NT5C2: variants seen among roughly 807,000 people sequenced by gnomAD.
NT5C2 encodes the protein cytosolic purine 5'-nucleotidase.
In NT5C2, 58 loss-of-function variants were observed where a neutral mutation model predicts 76.1. The ratio of observed to expected loss-of-function variants is 0.76; its 90% CI spans 0.62 to 0.95. NT5C2 has a LOEUF of 0.95. Ranked by LOEUF, NT5C2 falls within the 40% of genes least tolerant of loss-of-function variation. NT5C2 has a pLI of 0.00. For synonymous variants in NT5C2, 229 were observed against 237.4 expected, an observed-to-expected ratio of 0.96 and a Z score of 0.32; for missense variants, 478 against 690.3, an observed-to-expected ratio of 0.69 and a Z score of 3.45.
chr10:103,167,176 T>C (rs11191586), intron 3 of NT5C2, among the ~76,000 whole-genome samples: 47,820 of 151,654 alleles, frequency 0.32, 7,618 homozygotes, highest in Middle Eastern at 0.36. Context: ...CCACCACACC[T>C]GGCTAATTTT....
chr10:103,096,570 GCA>G (rs2068236240), intron 11 of NT5C2, among the ~76,000 whole-genome samples: 1 of 152,078 alleles, frequency 6.6e-6, no homozygotes, highest in South Asian at 2.1e-4. Flanking sequence ...TTTGGGCTGG[GCA>G]CAGTGACTCA....
At chr10:103,192,341 C>A (rs185116566) in intron 1 of NT5C2, among the ~76,000 whole-genome samples, 1 of 152,260 alleles carries the variant, frequency 6.6e-6, no homozygotes, top group East Asian at 1.9e-4. Context: ...GCACGACCCC[C>A]CTCAAACATC....
At chr10:103,105,385 T>TATTAG (rs2070965117) in intron 6 of NT5C2, 1 of 968,404 alleles carries the variant, frequency 1.0e-6, no homozygotes, top group Admixed American at 3.5e-5. Flanking sequence ...CTGAGAACTG[T>TATTAG]ATTAGAAAGA....
chr10:103,105,939 A>C (rs1486294501), intron 5 of NT5C2, 138 bp from the exon 6 acceptor site: 1 of 553,402 alleles, frequency 1.8e-6, no homozygotes. Context: ...AATATAGCTA[A>C]AGTGAGTAAA....
chr10:103,170,468 G>A (rs1315236306), intron 3 of NT5C2, among the ~76,000 whole-genome samples: 4 of 150,620 alleles, frequency 2.7e-5, no homozygotes, highest in Admixed American at 2.0e-4. Context: ...TTCCAAATGA[G>A]TTAGGAGTAT....
chr10:103,131,283 CT>C (rs2078119035), intron 4 of NT5C2, among the ~76,000 whole-genome samples: 1 of 152,202 alleles, frequency 6.6e-6, no homozygotes, highest in Non-Finnish European at 1.5e-5. Context: ...ACTCAAAATA[CT>C]GTTTGCCAGA....
intron 4 of NT5C2, among the ~76,000 whole-genome samples, chr10:103,135,696 G>A (rs1001894873): frequency 1.3e-5 from 2 of 152,042 alleles, no homozygotes; most frequent in Admixed American, 1.3e-4. Flanking sequence ...GCTGAGGCAG[G>A]AGAATCGATT....
intron 4 of NT5C2, among the ~76,000 whole-genome samples, chr10:103,138,485 T>C (rs1170987458): frequency 6.6e-6 from 1 of 152,116 alleles, no homozygotes; most frequent in African/African-American, 2.4e-5. Context: ...CCTGTGTTCA[T>C]GTGTTCTCAA....
At chr10:103,098,897 A>G (rs972420023) in intron 10 of NT5C2, 34 bp downstream of exon 10, 2 of 1,397,958 alleles carry the variant, frequency 1.4e-6, no homozygotes, top group South Asian at 2.4e-5. Flanking sequence ...AAAATGAGCT[A>G]TTATGCAGAT....
intron 3 of NT5C2, among the ~76,000 whole-genome samples, chr10:103,148,598 C>T (rs1292320139): frequency 1.6e-4 from 20 of 128,026 alleles, no homozygotes; most frequent in Admixed American, 1.3e-3. Flanking sequence ...AGTGAGACTC[C>T]GTCTCAAAAA....
At chr10:103,100,047 G>A (rs2069173764) in intron 8 of NT5C2, 28 bp from the exon 9 acceptor site, 1 of 1,484,170 alleles carries the variant, frequency 6.7e-7, no homozygotes, top group African/African-American at 1.4e-5. Flanking sequence ...TAACATGACA[G>A]GGGATCCAAA....
chr10:103,171,294 C>T (rs3740386), intron 3 of NT5C2, among the ~76,000 whole-genome samples: 47,973 of 152,056 alleles, frequency 0.32, 7,653 homozygotes, highest in Middle Eastern at 0.37. Flanking sequence ...ATATTAGTAT[C>T]TATTGAAACA....
chr10:103,153,830 T>A, intron 3 of NT5C2: 1 of 943,450 alleles, frequency 1.1e-6, no homozygotes, highest in Non-Finnish European at 1.3e-6. Flanking sequence ...ATAAACAATG[T>A]GAATTACAAG....
chr10:103,103,208 T>A (rs1042497330), intron 6 of NT5C2, among the ~76,000 whole-genome samples: 1 of 152,228 alleles, frequency 6.6e-6, no homozygotes, highest in Non-Finnish European at 1.5e-5. Flanking sequence ...CTGCCTGGGT[T>A]TGTTAACTAC....
rs564211212 is a variant in NT5C2, at chr10:103,153,657, C to A, written c.102-14178G>T. On this transcript the variant is annotated intron_variant, in intron 3 of 18. Transcript: ENST00000404739. Reference sequence around the variant, plus strand: ...GGCAAACACAGAAAAAGCAAATTTACCCCCTAATGAGGCCCTCCAACAGTA... The same window carrying A: ...GGCAAACACAGAAAAAGCAAATTTAACCCCTAATGAGGCCCTCCAACAGTA... The A allele has an allele frequency of 2.3e-5, 23 of 985,348 alleles. No individual in the cohort carries two copies. The South Asian group carries it at 8.5e-4, about 36-fold the overall frequency. 61.0% of individuals were successfully genotyped at this position (985,348 alleles called of 1,614,324 possible). A position where few individuals can be genotyped will look rare whatever the true frequency, so the allele number is the denominator to read the frequency against.
intron 4 of NT5C2, among the ~76,000 whole-genome samples, chr10:103,136,628 T>TA (rs113787085): frequency 0.041 from 5,014 of 122,076 alleles, 119 homozygotes; most frequent in South Asian, 0.16. Flanking sequence ...AGTTAATTAT[T>TA]TTTTTTTTTT....
chr10:103,089,979 T>A (rs1013374449), intron 18 of NT5C2, 71 bp from the exon 19 acceptor site: 1 of 1,268,276 alleles, frequency 7.9e-7, no homozygotes, highest in Non-Finnish European at 1.1e-6. Context: ...TCCTAACCCC[T>A]CTCCTCTGTT....
At chr10:103,113,456 C>G (rs1045549100) in intron 4 of NT5C2, among the ~76,000 whole-genome samples, 3 of 151,462 alleles carry the variant, frequency 2.0e-5, no homozygotes, top group African/African-American at 7.3e-5. Context: ...CGTCTTTAAC[C>G]AAAGGAGCTG....
chr10:103,105,564 C>T lies in NT5C2; in HGVS notation c.389+142G>A, dbSNP rs2071023670. On this transcript the variant is annotated intron_variant, in intron 6 of 18. Transcript: ENST00000404739. Reference sequence around the variant, plus strand: ...TGGGTTCCAACTGCCTAATAAATAACTGTTAACTAACCTTATGTAAGGGAA... The same window carrying T: ...TGGGTTCCAACTGCCTAATAAATAATTGTTAACTAACCTTATGTAAGGGAA... The T allele has an allele frequency of 6.5e-6, 4 of 611,236 alleles. No individual in the cohort carries two copies. The African/African-American group carries it at 7.4e-5, about 11-fold the overall frequency. The allele number at this position is 611,236 out of a possible 1,614,324, so 37.9% of individuals were successfully genotyped here. A position where few individuals can be genotyped will look rare whatever the true frequency, so the allele number is the denominator to read the frequency against.
Sources: gnomAD v4.1 joint callset for allele counts (sites outside exome capture counted in the v4.1 genomes callset) on GRCh38, gnomAD v4.1.1 for gene constraint, MANE v1.5 for transcripts, NCBI Gene and HGNC (gene_info 2026-07-23, HGNC 2026-07-21) for gene names.